The following VKORC1L1 variants were observed in gnomAD, a reference collection of about 807,000 sequenced individuals.
The protein encoded by VKORC1L1 is vitamin K epoxide reductase complex subunit 1-like protein 1.
In VKORC1L1, 2 loss-of-function variants were observed where a neutral mutation model predicts 18.9. That is an observed-to-expected ratio of 0.11 (90% confidence interval 0.04 to 0.33). The LOEUF (loss-of-function observed/expected upper bound fraction) is 0.33. Ranked by LOEUF, VKORC1L1 falls within the 10% of genes least tolerant of loss-of-function variation. VKORC1L1 has a pLI of 1.00. For missense variants in VKORC1L1, 123 were observed against 224.1 expected, an observed-to-expected ratio of 0.55 and a Z score of 2.88; for synonymous variants, 96 against 100.0, an observed-to-expected ratio of 0.96 and a Z score of 0.24.
intron 1 of VKORC1L1, among the ~76,000 whole-genome samples, chr7:65,899,365 T>G (rs1789271070): frequency 6.6e-6 from 1 of 152,256 alleles, no homozygotes; most frequent in African/African-American, 2.4e-5. Flanking sequence ...GCTTCCTCTT[T>G]GCAGATTGTC....
At chr7:65,884,069 TGATTA>T (rs1026293329) in intron 1 of VKORC1L1, among the ~76,000 whole-genome samples, 7 of 152,182 alleles carry the variant, frequency 4.6e-5, no homozygotes, top group African/African-American at 1.7e-4. Flanking sequence ...TTAAAGTGTT[TGATTA>T]ATTTCTATAC....
intron 1 of VKORC1L1, among the ~76,000 whole-genome samples, chr7:65,891,350 CAACAG>C (rs1187489910): frequency 2.0e-5 from 3 of 152,044 alleles, no homozygotes; most frequent in Non-Finnish European, 4.4e-5. Context: ...TTATTAGAAA[CAACAG>C]AACAGTTTCC....
intron 1 of VKORC1L1, among the ~76,000 whole-genome samples, chr7:65,945,130 G>T (rs187197979): frequency 6.6e-6 from 1 of 151,734 alleles, no homozygotes. Flanking sequence ...GCGTGGTGGC[G>T]GGTGCTAGTA....
At chr7:65,910,917 T>C (rs1162126410) in intron 1 of VKORC1L1, among the ~76,000 whole-genome samples, 1 of 152,222 alleles carries the variant, frequency 6.6e-6, no homozygotes, top group African/African-American at 2.4e-5. Context: ...AAGAATTCTC[T>C]CTGTTTTGAG....
intron 1 of VKORC1L1, among the ~76,000 whole-genome samples, chr7:65,878,771 T>G (rs1409921277): frequency 2.0e-5 from 3 of 151,294 alleles, no homozygotes; most frequent in African/African-American, 7.3e-5. Context: ...CCAGACATGG[T>G]GGCACACGCC....
chr7:65,945,102 A>G (rs1422959175), intron 1 of VKORC1L1, among the ~76,000 whole-genome samples: 2 of 151,748 alleles, frequency 1.3e-5, no homozygotes, highest in African/African-American at 4.8e-5. Context: ...CTCTACTGAA[A>G]ATACAAAAAT....
At chr7:65,866,733 G>A in the VKORC1L1 span, among the ~76,000 whole-genome samples, 1 of 152,062 alleles carries the variant, frequency 6.6e-6, no homozygotes, top group Non-Finnish European at 1.5e-5. Flanking sequence ...GACATAGTGA[G>A]ACCCCCATCT....
intron 1 of VKORC1L1, among the ~76,000 whole-genome samples, chr7:65,934,825 C>T (rs1310642263): frequency 3.3e-5 from 5 of 151,982 alleles, no homozygotes; most frequent in South Asian, 2.1e-4. Context: ...GAGGCCAAGG[C>T]GGGCAGATCA....
chr7:65,903,333 A>G (rs1789350525), intron 1 of VKORC1L1, among the ~76,000 whole-genome samples: 1 of 151,082 alleles, frequency 6.6e-6, no homozygotes, highest in Non-Finnish European at 1.5e-5. Context: ...CGCCTGGCTA[A>G]TTTTTTTATT....
chr7:65,873,239 C>G lies in VKORC1L1; in HGVS notation c.-133C>G. The G allele has an allele frequency of 1.2e-6, 1 of 863,990 alleles. No homozygotes were observed. Among genetic ancestry groups the G allele is most frequent in the Non-Finnish European group, 1.4e-6 (1 of 721,306 alleles). 53.5% of individuals were successfully genotyped at this position (863,990 alleles called of 1,614,324 possible). ...AGCAGGCCACCGAGCCAATGGGGCG[C>G]GGCGGCGGCGGCGGCGGTGGTGGCG... On this transcript the variant is annotated 5_prime_UTR_variant, in exon 1 of 3. Coordinates refer to ENST00000360768, the MANE Select transcript of VKORC1L1 (RefSeq NM_173517.6).
intron 1 of VKORC1L1, among the ~76,000 whole-genome samples, chr7:65,885,780 T>G (rs1275234638): frequency 6.6e-6 from 1 of 152,148 alleles, no homozygotes; most frequent in African/African-American, 2.4e-5. Context: ...CCCCCGTGGC[T>G]TTTTATAGAA....
In VKORC1L1 at chr7:65,956,363, T is replaced by G. The variant is rs1790295474; in HGVS notation, c.*2063T>G. On this transcript the variant is annotated 3_prime_UTR_variant, in exon 3 of 3. Coordinates refer to ENST00000360768, the MANE Select transcript of VKORC1L1 (RefSeq NM_173517.6). ...TAAACAAGTTCCTCGTGTCCCAATA[T>G]CCAATGGTTTTTCATCCTATTTTGT... 6.6e-6 allele frequency: 1 copy of G among 152,226 alleles called. No homozygotes were observed. Among genetic ancestry groups the G allele is most frequent in the African/African-American group, 2.4e-5 (1 of 41,452 alleles). The allele number at this position is 152,226 out of a possible 1,614,324, so 9.4% of individuals were successfully genotyped here.
At chr7:65,895,453 G>GAA (rs1167891625) in intron 1 of VKORC1L1, among the ~76,000 whole-genome samples, 5 of 26,668 alleles carry the variant, frequency 1.9e-4, no homozygotes, top group African/African-American at 2.2e-4. Flanking sequence ...CCATCTGTGA[G>GAA]AAAAAAAAAA....
At chr7:65,866,973 G>A in the VKORC1L1 span, among the ~76,000 whole-genome samples, 1 of 151,912 alleles carries the variant, frequency 6.6e-6, no homozygotes, top group Non-Finnish European at 1.5e-5. Context: ...GGCAGATCAT[G>A]GTCAACAGAT....
At chr7:65,947,080 G>T (rs1436999288) in intron 1 of VKORC1L1, among the ~76,000 whole-genome samples, 6 of 152,134 alleles carry the variant, frequency 3.9e-5, no homozygotes, top group Admixed American at 1.3e-4. Context: ...CAAGGCTGCA[G>T]TGAGTCATGA....
At position 65,873,255 on chromosome 7, in the gene VKORC1L1, G is replaced by A; in HGVS notation, c.-117G>A. ...AATGGGGCGCGGCGGCGGCGGCGGCGGTGGTGGCGGCGGCGGCGGAGGCGG... is the reference window on the plus strand; with the variant it reads ...AATGGGGCGCGGCGGCGGCGGCGGCAGTGGTGGCGGCGGCGGCGGAGGCGG... On this transcript the variant is annotated 5_prime_UTR_variant, in exon 1 of 3. Transcript: ENST00000360768. 1 of 968,202 alleles carries A rather than the reference G, an allele frequency of 1.0e-6. No homozygotes were observed. The highest frequency in any genetic ancestry group is 4.6e-5 in the South Asian group (1 of 21,832). The allele number at this position is 968,202 out of a possible 1,614,324, so 60.0% of individuals were successfully genotyped here. A position where few individuals can be genotyped will look rare whatever the true frequency, so the allele number is the denominator to read the frequency against.
rs571329505 is a variant in VKORC1L1, at chr7:65,906,266, C to T, written c.194+32701C>T. Among the ~76,000 whole-genome samples the T allele has an allele frequency of 3.3e-5, 5 of 151,882 alleles. No homozygotes were observed. In the South Asian group the frequency reaches 6.2e-4, roughly 19 times the overall value. On this transcript the variant is annotated intron_variant, in intron 1 of 2. Coordinates refer to ENST00000360768, the MANE Select transcript of VKORC1L1 (RefSeq NM_173517.6). ...CCTGGTGCCAGTGGTCTCAACTACT[C>T]GGGAGGCTGAGGTGGGAGGATTGCT...
intron 1 of VKORC1L1, among the ~76,000 whole-genome samples, chr7:65,919,296 C>G (rs1369947206): frequency 2.6e-5 from 4 of 152,142 alleles, no homozygotes; most frequent in Non-Finnish European, 5.9e-5. Context: ...AGTCTCTTGA[C>G]TTTAAATACC....
At chr7:65,920,524 G>A (rs1326957404) in intron 1 of VKORC1L1, among the ~76,000 whole-genome samples, 1 of 152,164 alleles carries the variant, frequency 6.6e-6, no homozygotes, top group Non-Finnish European at 1.5e-5. Context: ...ATTTGAGATA[G>A]AAGCTCTTGA....
Sources: allele counts gnomAD v4.1 joint callset (sites outside exome capture counted in the v4.1 genomes callset), GRCh38; gene constraint gnomAD v4.1.1; transcripts MANE v1.5; gene names NCBI Gene and HGNC (gene_info 2026-07-23, HGNC 2026-07-21).